ELMOD1: variants seen among roughly 807,000 people sequenced by gnomAD.
ELMOD1 encodes ELMO domain containing 1, also known as ELMO domain-containing protein 1.
ELMOD1 carries 21 observed loss-of-function variants against 46.7 expected under a neutral mutation model. The observed-to-expected ratio is 0.45, with a 90% CI of 0.32 to 0.65. The LOEUF (loss-of-function observed/expected upper bound fraction) is 0.65. Among genes scored for constraint, ELMOD1 ranks in the 30% least tolerant of loss-of-function variants. ELMOD1 has a pLI of 0.04. For synonymous variants in ELMOD1, 122 were observed against 138.2 expected (o/e 0.88, Z 0.82); for missense variants, 348 against 407.8 (o/e 0.85, Z 1.26).
chr11:107,665,305 A>T lies in ELMOD1; in HGVS notation c.*108A>T. 1.8e-6 allele frequency: 2 copies of T among 1,133,706 alleles called. No homozygotes were observed. The highest frequency in any genetic ancestry group is 2.5e-6 in the Non-Finnish European group (2 of 786,700). 70.2% of individuals were successfully genotyped at this position (1,133,706 alleles called of 1,614,324 possible). On this transcript the variant is annotated 3_prime_UTR_variant, in exon 12 of 12. Transcript: ENST00000265840. ...TTGAATGCACACAGTGATTGTATGC[A>T]TGCCTTTTGGTACAGTGTTTTCATC...
At chr11:107,622,013 G>A (rs185800780) in intron 2 of ELMOD1, among the ~76,000 whole-genome samples, 306 of 152,240 alleles carry the variant, frequency 2.0e-3, no homozygotes, top group Non-Finnish European at 2.9e-3. Flanking sequence ...GGTGACAAGA[G>A]CAAAACTCCA....
intron 2 of ELMOD1, among the ~76,000 whole-genome samples, chr11:107,622,953 CAA>C (rs973529444): frequency 1.3e-5 from 2 of 152,050 alleles, no homozygotes; most frequent in African/African-American, 4.8e-5. Flanking sequence ...TAAACACACA[CAA>C]ATATGCACAT....
chr11:107,605,498 G>A (rs892821578), intron 1 of ELMOD1, among the ~76,000 whole-genome samples: 12 of 152,180 alleles, frequency 7.9e-5, no homozygotes, highest in African/African-American at 2.9e-4. Flanking sequence ...AGGGCGCCCA[G>A]CCTTGAGAGA....
At chr11:107,616,385 T>C (rs1472461611) in intron 1 of ELMOD1, among the ~76,000 whole-genome samples, 1 of 151,872 alleles carries the variant, frequency 6.6e-6, no homozygotes, top group African/African-American at 2.4e-5. Context: ...AGGTTTTTGT[T>C]TGGTTTGTTT....
chr11:107,659,480 A>G (rs1866691607), intron 11 of ELMOD1, among the ~76,000 whole-genome samples: 1 of 152,128 alleles, frequency 6.6e-6, no homozygotes, highest in Non-Finnish European at 1.5e-5. Flanking sequence ...TTTGTGGTTC[A>G]TCAGCACCTG....
At chr11:107,651,479 T>C (rs1201218420) in intron 9 of ELMOD1, among the ~76,000 whole-genome samples, 2 of 152,318 alleles carry the variant, frequency 1.3e-5, no homozygotes, top group South Asian at 2.1e-4. Context: ...TAGGTTGAGT[T>C]GGGCTTTTTT....
Position 107,635,693 on chromosome 11 carries a change from T to G in ELMOD1, c.348T>G (p.Ile116Met). Residue 116 changes from isoleucine to methionine, a missense_variant, in exon 6 of 12, where the codon ATT becomes ATG. Coordinates refer to ENST00000265840, the MANE Select transcript of ELMOD1 (RefSeq NM_018712.4). ...AAATCGTTGGGTACAGGAACCTTAT[T>G]GCAGATGTGGAAAAACTGCGTAGAG... ...LLQIVGYRNLIADVEKLRREA... is the reference protein window; with the variant it reads ...LLQIVGYRNLMADVEKLRREA... The G allele has an allele frequency of 1.2e-6, 2 of 1,613,980 alleles. No individual in the cohort carries two copies.
intron 1 of ELMOD1, among the ~76,000 whole-genome samples, chr11:107,595,273 A>G (rs1268798405): frequency 1.3e-5 from 2 of 152,044 alleles, no homozygotes; most frequent in Non-Finnish European, 2.9e-5. Context: ...ATTACCCTAT[A>G]CTAAAACTTA....
chr11:107,600,665 C>T (rs1315283506), intron 1 of ELMOD1: 2 of 152,906 alleles, frequency 1.3e-5, no homozygotes, highest in Non-Finnish European at 2.9e-5. Flanking sequence ...GCATACATCA[C>T]GTTGAACCAT....
intron 7 of ELMOD1, 46 bp from the exon 8 acceptor site, chr11:107,650,289 G>A (rs775179576): frequency 8.9e-6 from 12 of 1,343,568 alleles, no homozygotes; most frequent in South Asian, 2.6e-5. Flanking sequence ...TATATTCAGC[G>A]AGTAAGCAAG....
At chr11:107,656,214 C>T (rs1866629003) in intron 11 of ELMOD1, 148 bp downstream of exon 11, 2 of 822,214 alleles carry the variant, frequency 2.4e-6, no homozygotes, top group Middle Eastern at 3.7e-4. Flanking sequence ...ATGGTGAAAC[C>T]CCATCTGTAC....
At chr11:107,611,169 C>G (rs1183350314) in intron 1 of ELMOD1, among the ~76,000 whole-genome samples, 1 of 152,134 alleles carries the variant, frequency 6.6e-6, no homozygotes, top group East Asian at 1.9e-4. Flanking sequence ...ACAGAGTAAA[C>G]AGACAACTGA....
intron 1 of ELMOD1, among the ~76,000 whole-genome samples, chr11:107,600,224 T>C (rs1865573897): frequency 6.6e-6 from 1 of 152,200 alleles, no homozygotes. Context: ...AATACTTCAG[T>C]ATGTATCTCT....
At chr11:107,615,304 C>T (rs533081929) in intron 1 of ELMOD1, among the ~76,000 whole-genome samples, 1 of 129,412 alleles carries the variant, frequency 7.7e-6, no homozygotes, top group South Asian at 2.5e-4. Context: ...GGCGTGATCT[C>T]GGCTCACTGC....
intron 2 of ELMOD1, among the ~76,000 whole-genome samples, chr11:107,621,369 A>G (rs574240278): frequency 2.2e-4 from 34 of 152,312 alleles, no homozygotes; most frequent in African/African-American, 7.9e-4. Flanking sequence ...GGAAAAAACT[A>G]TTTTTCTAGT....
At chr11:107,607,068 C>G (rs746674294) in intron 1 of ELMOD1, among the ~76,000 whole-genome samples, 10 of 152,100 alleles carry the variant, frequency 6.6e-5, no homozygotes, top group Non-Finnish European at 1.2e-4. Flanking sequence ...GTCCTTTCTC[C>G]TCCATTTTAC....
chr11:107,639,601 C>T (rs1866285053), intron 6 of ELMOD1, among the ~76,000 whole-genome samples: 2 of 152,124 alleles, frequency 1.3e-5, no homozygotes, highest in African/African-American at 4.8e-5. Context: ...CCTTTCTGTC[C>T]TGCAGAGGGT....
rs75600527 is a variant in ELMOD1, at chr11:107,622,234, G to T, written c.17+4028G>T. On this transcript the variant is annotated intron_variant, in intron 2 of 11. Coordinates refer to ENST00000265840, the MANE Select transcript of ELMOD1 (RefSeq NM_018712.4). ...TAGGATTTTAATATTTTAAAATAAG[G>T]ATAGAAGATGTGGGATGCTGTAAAC... Among the ~76,000 whole-genome samples the T allele has an allele frequency of 4.6e-3, 708 of 152,298 alleles. 11 individuals carry two copies. Among genetic ancestry groups the T allele is most frequent in the African/African-American group, 0.016 (659 of 41,552 alleles).
At chr11:107,612,220 A>G (rs1054623691) in intron 1 of ELMOD1, among the ~76,000 whole-genome samples, 4 of 152,218 alleles carry the variant, frequency 2.6e-5, no homozygotes, top group Non-Finnish European at 5.9e-5. Context: ...AGCAACATGG[A>G]TACAGCTGGA....
Sources: gnomAD v4.1 joint callset for allele counts (sites outside exome capture counted in the v4.1 genomes callset) on GRCh38, gnomAD v4.1.1 for gene constraint, MANE v1.5 for transcripts, NCBI Gene and HGNC (gene_info 2026-07-23, HGNC 2026-07-21) for gene names.